Variants in SRP72 observed in about 807,000 individuals in gnomAD.
SRP72 encodes signal recognition particle 72, also known as signal recognition particle subunit SRP72.
SRP72 carries 49 observed loss-of-function variants against 96.3 expected under a neutral mutation model. That is an observed-to-expected ratio of 0.51 (90% confidence interval 0.40 to 0.65). The LOEUF is 0.65. SRP72 is among the 30% of genes least tolerant of loss of function. SRP72 has a pLI of 0.00. For missense variants in SRP72, 736 were observed against 793.3 expected (o/e 0.93, Z 0.87); for synonymous variants, 267 against 275.2 (o/e 0.97, Z 0.30).
At position 56,467,762 on chromosome 4, in the gene SRP72, C is replaced by A; in HGVS notation, c.109+18C>A. On this transcript the variant is annotated intron_variant, in intron 1 of 18. Transcript: ENST00000642900. ...CAATAAGAGTAAGTGTCGGGGTGGGCACTGGGGCGGGCCCAGGCCGGCTGG... is the reference window on the plus strand; with the variant it reads ...CAATAAGAGTAAGTGTCGGGGTGGGAACTGGGGCGGGCCCAGGCCGGCTGG... 4 of 1,414,352 alleles carry A rather than the reference C, an allele frequency of 2.8e-6. No individual in the cohort carries two copies. Among genetic ancestry groups the A allele is most frequent in the South Asian group, 1.4e-5 (1 of 71,584 alleles). The allele number at this position is 1,414,352 out of a possible 1,614,324, so 87.6% of individuals were successfully genotyped here.
intron 7 of SRP72, 21 bp downstream of exon 7, chr4:56,478,524 G>A (rs1261564244): frequency 3.7e-6 from 6 of 1,613,336 alleles, no homozygotes; most frequent in Non-Finnish European, 5.1e-6. Context: ...AAAAGGAAGT[G>A]TCTTTTATAG....
At chr4:56,484,714 G>A (rs377739629) in intron 9 of SRP72, 22 bp from the exon 10 acceptor site, 2 of 1,611,040 alleles carry the variant, frequency 1.2e-6, no homozygotes, top group Non-Finnish European at 1.7e-6. Context: ...TATTTTTCTT[G>A]TGGGGGTTGG....
chr4:56,490,585 T>G lies in SRP72; in HGVS notation c.1442T>G (p.Ile481Ser). Residue 481 changes from isoleucine (I) to serine (S), a missense_variant, in exon 15 of 19, where the codon ATT becomes AGT. Physicochemically the swap from Ile to Ser is moderately radical, Grantham distance 142 (BLOSUM62 -2). Transcript: ENST00000642900. ...TCTTTTAGACAAAATCCAAAAGATA[T>G]TCACACCCTGGCACAGCTTATTTCT... ...QQLWKQNPKD[I>S]HTLAQLISAY... 1 of 1,613,888 alleles carries G rather than the reference T, an allele frequency of 6.2e-7. No homozygotes were observed.
At chr4:56,472,348 CTTTTTTT>C (rs11332013) in intron 3 of SRP72, among the ~76,000 whole-genome samples, 7 of 123,050 alleles carry the variant, frequency 5.7e-5, no homozygotes, top group African/African-American at 2.1e-4. Context: ...TAAAGTTTTT[CTTTTTTT>C]TTTTTTTTTT....
chr4:56,470,902 C>T (rs964688836), intron 2 of SRP72, among the ~76,000 whole-genome samples: 7 of 150,136 alleles, frequency 4.7e-5, no homozygotes, highest in African/African-American at 7.4e-5. Flanking sequence ...TCCGGGTTCA[C>T]GCGATTCTCC....
chr4:56,489,612 C>G, intron 13 of SRP72, 129 bp downstream of exon 13: 1 of 473,690 alleles, frequency 2.1e-6, no homozygotes, highest in Non-Finnish European at 3.7e-6. Context: ...TTTAGATTAT[C>G]AAATGCATTT....
rs370966863 is a variant in SRP72 at position 56,473,350 on chromosome 4, C to T, written c.355-704C>T. On this transcript the variant is annotated intron_variant, in intron 3 of 18. Coordinates refer to ENST00000642900, the MANE Select transcript of SRP72 (RefSeq NM_006947.4). ...TGGCGGGCGCCTGGTCCCAGCTACT[C>T]GGGAGGCTGAGGCGGGAGAATGGCA... Among the ~76,000 whole-genome samples the T allele has an allele frequency of 2.0e-5, 3 of 151,470 alleles. No individual in the cohort carries two copies. In the East Asian group the frequency reaches 5.8e-4, roughly 29 times the overall value.
intron 17 of SRP72, among the ~76,000 whole-genome samples, chr4:56,497,813 C>T (rs139828665): frequency 2.6e-4 from 40 of 152,206 alleles, no homozygotes; most frequent in African/African-American, 9.4e-4. Flanking sequence ...TATACACTTC[C>T]CCTAGTATAG....
In SRP72 at chr4:56,478,455, G is replaced by A. The variant is rs1357937546; in HGVS notation, c.719G>A (p.Gly240Asp). Residue 240 changes from glycine (G) to aspartate (D), a missense_variant, in exon 7 of 19, where the codon GGT (glycine) becomes GAT (aspartate). By Grantham distance (94) the Gly-to-Asp change is moderately conservative. Transcript: ENST00000642900. Reference protein sequence around the residue: ...GQMAYILQLQGRTEEALQLYN... With the variant: ...GQMAYILQLQDRTEEALQLYN... ...ATGGCTTATATTCTGCAGCTTCAGG[G>A]TCGAACAGAGGAGGCTTTGCAACTT... The A allele has an allele frequency of 6.2e-7, 1 of 1,613,762 alleles. No individual in the cohort carries two copies. The highest frequency in any genetic ancestry group is 1.3e-5 in the African/African-American group (1 of 74,902).
At position 56,501,930 on chromosome 4, in the gene SRP72, C is replaced by T. The variant is rs376631638; in HGVS notation, c.*69C>T. 1.7e-5 allele frequency: 26 copies of T among 1,514,098 alleles called. No individual in the cohort carries two copies. The East Asian group carries it at 5.4e-4, about 32-fold the overall frequency. 93.8% of individuals were successfully genotyped at this position (1,514,098 alleles called of 1,614,324 possible). A position where few individuals can be genotyped will look rare whatever the true frequency, so the allele number is the denominator to read the frequency against. ...GACACTAGGAATATAATAAAGGTAACACAGCAAGAAGCACAGAACTACTCC... is the reference window on the plus strand; with the variant it reads ...GACACTAGGAATATAATAAAGGTAATACAGCAAGAAGCACAGAACTACTCC... On this transcript the variant is annotated 3_prime_UTR_variant, in exon 19 of 19. Transcript: ENST00000642900.
chr4:56,483,042 T>C (rs1720564201), intron 8 of SRP72, 97 bp from the exon 9 acceptor site: 1 of 1,169,622 alleles, frequency 8.5e-7, no homozygotes, highest in Non-Finnish European at 1.2e-6. Flanking sequence ...GGTAGATAGA[T>C]TCAAGCTCTC....
At position 56,467,657 on chromosome 4, in the gene SRP72, G is replaced by A. The variant is rs773611833; in HGVS notation, c.22G>A (p.Gly8Arg). 2.6e-6 allele frequency: 4 copies of A among 1,558,512 alleles called. No homozygotes were observed. The highest frequency in any genetic ancestry group is 2.3e-5 in the South Asian group (2 of 85,142). Residue 8 changes from glycine (G) to arginine (R), a missense_variant, in exon 1 of 19, where the codon GGG (glycine) becomes AGG (arginine). Gly to Arg is a moderately radical substitution (Grantham distance 125). Transcript: ENST00000642900. ...CAAGATGGCGAGCGGCGGCAGCGGG[G>A]GGGTGTCAGTACCTGCGCTGTGGAG... MASGGSG[G>R]VSVPALWSEV...
chr4:56,473,994 G>A, intron 3 of SRP72, 60 bp from the exon 4 acceptor site: 1 of 1,531,206 alleles, frequency 6.5e-7, no homozygotes, highest in Non-Finnish European at 8.8e-7. Flanking sequence ...AGGTTTGCAT[G>A]ATATTAAAGA....
chr4:56,483,005 A>T (rs1048024425), intron 8 of SRP72, 134 bp from the exon 9 acceptor site: 2 of 690,676 alleles, frequency 2.9e-6, no homozygotes, highest in African/African-American at 3.7e-5. Context: ...ATTTATATGC[A>T]TCTTATTAGC....
chr4:56,467,959 C>T (rs1385253540), intron 1 of SRP72, among the ~76,000 whole-genome samples: 2 of 152,216 alleles, frequency 1.3e-5, no homozygotes, highest in Non-Finnish European at 2.9e-5. Context: ...TGGTTGCTTA[C>T]AGCCACGTGT....
intron 1 of SRP72, among the ~76,000 whole-genome samples, chr4:56,468,680 G>A (rs1230782052): frequency 6.6e-6 from 1 of 152,318 alleles, no homozygotes; most frequent in African/African-American, 2.4e-5. Flanking sequence ...AACGTGAAAA[G>A]TAGTGATTGT....
intron 8 of SRP72, among the ~76,000 whole-genome samples, chr4:56,479,090 A>G (rs1368023900): frequency 1.3e-5 from 2 of 152,054 alleles, no homozygotes. Context: ...CCCACACCCC[A>G]TCCCATGTAA....
rs1447578886 is a variant in SRP72 at position 56,502,269 on chromosome 4, A to T, written c.*408A>T. 1 of 171,436 alleles carries T rather than the reference A, an allele frequency of 5.8e-6. No homozygotes were observed. The highest frequency in any genetic ancestry group is 1.6e-4 in the East Asian group (1 of 6,178). The allele number at this position is 171,436 out of a possible 1,614,324, so 10.6% of individuals were successfully genotyped here. ...CAAGTCCCACTTTAAATTATGTCTT[A>T]GGAGACTGAAAGTGGAATCTTCTGA... On this transcript the variant is annotated 3_prime_UTR_variant, in exon 19 of 19. Transcript: ENST00000642900.
At position 56,484,026 on chromosome 4, in the gene SRP72, A is replaced by ATTTTT. The variant is rs539665243; in HGVS notation, c.958-689_958-685dup. Reference sequence around the variant, plus strand: ...TTTAGTGGGAGACAGAGAAGCAGTAATTTTTTTTTTTTTTTTTTTTTTTTT... The same window carrying ATTTTT: ...TTTAGTGGGAGACAGAGAAGCAGTAATTTTTTTTTTTTTTTTTTTTTTTTTTTTTT... On this transcript the variant is annotated intron_variant, in intron 9 of 18. Coordinates refer to ENST00000642900, the MANE Select transcript of SRP72 (RefSeq NM_006947.4). Among the ~76,000 whole-genome samples the ATTTTT allele has an allele frequency of 1.1e-3, 98 of 86,588 alleles. 10 individuals carry two copies. Among genetic ancestry groups the ATTTTT allele is most frequent in the African/African-American group, 3.7e-3 (74 of 19,896 alleles). 56.8% of individuals were successfully genotyped at this position (86,588 alleles called of 152,430 possible).
Sources: gnomAD v4.1 joint callset for allele counts (sites outside exome capture counted in the v4.1 genomes callset) on GRCh38, gnomAD v4.1.1 for gene constraint, MANE v1.5 for transcripts, NCBI Gene and HGNC (gene_info 2026-07-23, HGNC 2026-07-21) for gene names.